The following TMEM132D variants were observed in gnomAD, a reference collection of about 807,000 sequenced individuals.
The protein encoded by TMEM132D is transmembrane protein 132D.
A neutral mutation model predicts 62.3 loss-of-function variants in TMEM132D; 21 were observed. That is an observed-to-expected ratio of 0.34 (90% CI 0.24 to 0.49). TMEM132D has a LOEUF of 0.49. Ranked by LOEUF, TMEM132D falls within the 20% of genes least tolerant of loss-of-function variation. The pLI is 0.99. For missense variants in TMEM132D, 1,346 were observed against 1,402.8 expected (o/e 0.96, Z 0.65); for synonymous variants, 621 against 575.6 (o/e 1.08, Z -1.13).
chr12:129,159,303 AT>A (rs781590583), intron 5 of TMEM132D, among the ~76,000 whole-genome samples: 9 of 152,220 alleles, frequency 5.9e-5, no homozygotes, highest in African/African-American at 9.7e-5. Flanking sequence ...TGATGCATTC[AT>A]GTTGATGAGC....
At chr12:129,084,452 A>G in intron 6 of TMEM132D, 45 bp downstream of exon 6, 2 of 1,540,972 alleles carry the variant, frequency 1.3e-6, no homozygotes, top group Non-Finnish European at 1.7e-6. Flanking sequence ...ACCACCCCGT[A>G]CACTTCCTCC....
At chr12:129,212,957 G>A (rs1879097885) in intron 4 of TMEM132D, among the ~76,000 whole-genome samples, 1 of 152,194 alleles carries the variant, frequency 6.6e-6, no homozygotes, top group South Asian at 2.1e-4. Context: ...CCATGTCTTA[G>A]TTTGAGCCAG....
intron 1 of TMEM132D, among the ~76,000 whole-genome samples, chr12:129,877,092 C>T (rs930466609): frequency 6.6e-6 from 1 of 151,830 alleles, no homozygotes; most frequent in African/African-American, 2.4e-5. Flanking sequence ...AAACAAGACA[C>T]ATTTTACAAA....
intron 4 of TMEM132D, among the ~76,000 whole-genome samples, chr12:129,333,185 T>C (rs1231420135): frequency 1.3e-5 from 2 of 152,246 alleles, no homozygotes; most frequent in East Asian, 3.8e-4. Flanking sequence ...TAAATTTTAA[T>C]ATTTCATGTT....
chr12:129,073,804 G>T lies in TMEM132D; in HGVS notation c.*71C>A, dbSNP rs1001170804. The T allele has an allele frequency of 7.6e-7, 1 of 1,315,816 alleles. No individual in the cohort carries two copies. The highest frequency in any genetic ancestry group is 1.0e-6 in the Non-Finnish European group (1 of 953,910). 81.5% of individuals were successfully genotyped at this position (1,315,816 alleles called of 1,614,324 possible). The stretch of plus-strand genomic sequence containing the variant: ...CTGCTGCTTTGTTTCTCTTCCGGGG[G>T]CACCGTTGCTACACATCCTGGAATT... On this transcript the variant is annotated 3_prime_UTR_variant, in exon 9 of 9. Transcript: ENST00000422113.
chr12:129,843,257 G>A (rs1462619916), intron 1 of TMEM132D, among the ~76,000 whole-genome samples: 1 of 151,980 alleles, frequency 6.6e-6, no homozygotes, highest in Admixed American at 6.5e-5. Context: ...AATAAAAAAA[G>A]AATATGACCA....
intron 2 of TMEM132D, among the ~76,000 whole-genome samples, chr12:129,659,266 T>C (rs2137190141): frequency 6.6e-6 from 1 of 152,222 alleles, no homozygotes. Context: ...GAAAAATCGA[T>C]GGCTGTTTTA....
intron 1 of TMEM132D, among the ~76,000 whole-genome samples, chr12:129,773,262 G>T (rs917954983): frequency 6.6e-6 from 1 of 152,208 alleles, no homozygotes; most frequent in Non-Finnish European, 1.5e-5. Context: ...CGAGGGCGGC[G>T]GCAGTGAGCA....
intron 1 of TMEM132D, among the ~76,000 whole-genome samples, chr12:129,895,829 A>AAAT (rs1036434637): frequency 7.9e-5 from 12 of 151,672 alleles, no homozygotes; most frequent in African/African-American, 2.7e-4. Flanking sequence ...AAAAAAAAAA[A>AAAT]ATTACTTGGT....
At chr12:129,245,397 A>G (rs1015992647) in intron 4 of TMEM132D, among the ~76,000 whole-genome samples, 4 of 151,390 alleles carry the variant, frequency 2.6e-5, no homozygotes, top group Non-Finnish European at 5.9e-5. Context: ...TAGCTCATTT[A>G]TTTTTAGTGC....
intron 2 of TMEM132D, among the ~76,000 whole-genome samples, chr12:129,641,612 G>A (rs181589271): frequency 2.0e-5 from 3 of 152,238 alleles, no homozygotes; most frequent in African/African-American, 2.4e-5. Context: ...AAATGGTTCC[G>A]AATCTCATGT....
chr12:129,636,737 T>TGTGTGTGTGAGAGAGAGAGAGAGA (rs375868329), intron 2 of TMEM132D, among the ~76,000 whole-genome samples: 1 of 113,562 alleles, frequency 8.8e-6, no homozygotes, highest in African/African-American at 3.3e-5. Flanking sequence ...TGTGTGTGTG[T>TGTGTGTGTGAGAGAGAGAGAGAGA]GAGAGAGAGA....
In TMEM132D at chr12:129,700,195, C is replaced by T. The variant is rs994058307; in HGVS notation, c.583G>A (p.Glu195Lys). ...AACCAGCTGGACAGGAGCTCCAGCT[C>T]GGCCACGCACAGCCCCAGGTCCCCC... ...LQGDLGLCVA[E>K]LELLSSWFSP... The change falls in exon 2 of 9, where the codon GAG (glutamate) becomes AAG (lysine). Residue 195 changes from glutamate (E) to lysine (K), a missense_variant. Coordinates refer to ENST00000422113, the MANE Select transcript of TMEM132D (RefSeq NM_133448.3). 8 of 1,612,710 alleles carry T rather than the reference C, an allele frequency of 5.0e-6. No individual in the cohort carries two copies. Among genetic ancestry groups the T allele is most frequent in the African/African-American group, 4.0e-5 (3 of 74,938 alleles).
At chr12:129,614,479 G>A (rs1372262640) in intron 2 of TMEM132D, among the ~76,000 whole-genome samples, 2 of 152,158 alleles carry the variant, frequency 1.3e-5, no homozygotes, top group African/African-American at 4.8e-5. Flanking sequence ...AACCAAGAGG[G>A]TCAGATGCAA....
chr12:129,133,332 C>T (rs1876436158), intron 5 of TMEM132D, among the ~76,000 whole-genome samples: 1 of 152,232 alleles, frequency 6.6e-6, no homozygotes, highest in Admixed American at 6.5e-5. Context: ...AATTCCCCAT[C>T]TTCTGAGATC....
intron 3 of TMEM132D, among the ~76,000 whole-genome samples, chr12:129,501,053 G>A (rs1318698219): frequency 1.3e-5 from 2 of 152,086 alleles, no homozygotes; most frequent in South Asian, 2.1e-4. Flanking sequence ...TTTTGTCTAC[G>A]ATACCATACA....
intron 1 of TMEM132D, among the ~76,000 whole-genome samples, chr12:129,776,000 G>A (rs137959052): frequency 2.6e-5 from 4 of 151,644 alleles, no homozygotes; most frequent in Admixed American, 2.0e-4. Flanking sequence ...CCTCTGTCTC[G>A]GTGAAAAAAC....
intron 2 of TMEM132D, among the ~76,000 whole-genome samples, chr12:129,565,169 A>G (rs999695214): frequency 6.6e-6 from 1 of 152,234 alleles, no homozygotes; most frequent in Non-Finnish European, 1.5e-5. Context: ...CAACACTGCC[A>G]TCAGATGAGA....
At chr12:129,496,229 A>G (rs935949634) in intron 3 of TMEM132D, among the ~76,000 whole-genome samples, 1 of 152,202 alleles carries the variant, frequency 6.6e-6, no homozygotes, top group Admixed American at 6.5e-5. Context: ...GAGCTGAGAG[A>G]GTTAGAAGTA....
Sources: gnomAD v4.1 joint callset for allele counts (sites outside exome capture counted in the v4.1 genomes callset) on GRCh38, gnomAD v4.1.1 for gene constraint, MANE v1.5 for transcripts, NCBI Gene and HGNC (gene_info 2026-07-23, HGNC 2026-07-21) for gene names.